The following IQSEC3 variants were observed in gnomAD, a reference collection of about 807,000 sequenced individuals.
The protein encoded by IQSEC3 is IQ motif and Sec7 domain ArfGEF 3.
A neutral mutation model predicts 105.4 loss-of-function variants in IQSEC3; 50 were observed. The observed-to-expected ratio is 0.47, with a 90% CI of 0.38 to 0.60. IQSEC3 has a LOEUF of 0.60. IQSEC3 is among the 20% of genes least tolerant of loss of function. The pLI is 0.00. For synonymous variants in IQSEC3, 708 were observed against 746.0 expected, an observed-to-expected ratio of 0.95 and a Z score of 0.83; for missense variants, 1,415 against 1,630.0, an observed-to-expected ratio of 0.87 and a Z score of 2.27.
At chr12:125,977 G>GGGTACCAGGGCCTTGGGGGCTGTCGAC (rs1299004029) in intron 3 of IQSEC3, 65 bp downstream of exon 3, 16 of 1,473,836 alleles carry the variant, frequency 1.1e-5, no homozygotes, top group Non-Finnish European at 1.4e-5. Flanking sequence ...GGGCTGTCGA[G>GGGTACCAGGGCCTTGGGGGCTGTCGAC]GGTACCAGGG....
intron 2 of IQSEC3, among the ~76,000 whole-genome samples, chr12:120,381 C>A (rs886929857): frequency 2.6e-5 from 4 of 152,142 alleles, no homozygotes; most frequent in South Asian, 2.1e-4. Context: ...GGACAGGTCA[C>A]TCGGTGGGGA....
rs759716833 is a variant in IQSEC3, at chr12:174,882, C to T, written c.3398C>T (p.Pro1133Leu). 2.5e-6 allele frequency: 4 copies of T among 1,572,106 alleles called. No individual in the cohort carries two copies. The South Asian group carries it at 3.5e-5, about 14-fold the overall frequency. Residue 1133 changes from proline to leucine, a missense_variant, in exon 14 of 14, where the codon CCC (proline) becomes CTC (leucine). Around this residue, in one of 6 missense-constraint regions of IQSEC3, gnomAD observed 419 missense variants for 436.2 expected, o/e 0.96. Transcript: ENST00000538872. ...TCCTCTGACTCCTGCGGCTCCACAC[C>T]CCTGGGCGGTCCCGGCTCTCCGGTC... ...SSSSDSCGST[P>L]LGGPGSPVKV...
In IQSEC3 at chr12:131,866, C is replaced by T. The variant is rs142189967; in HGVS notation, c.903+5954C>T. ...TGGTTGATAAATGGGTTAGGACACA[C>T]GATGGTGAACCCGGAACTGAATTCC... On this transcript the variant is annotated intron_variant, in intron 3 of 13. Transcript: ENST00000538872. 9.5e-3 allele frequency among the ~76,000 whole-genome samples: 1,450 copies of T among 152,252 alleles called. 14 individuals carry two copies. The highest frequency in any genetic ancestry group is 0.013 in the Non-Finnish European group (898 of 68,032).
intron 2 of IQSEC3, among the ~76,000 whole-genome samples, chr12:115,410 C>A (rs1865017955): frequency 6.6e-6 from 1 of 152,196 alleles, no homozygotes; most frequent in Admixed American, 6.5e-5. Flanking sequence ...CCAGGCATGG[C>A]CTCATGCCTG....
rs781838907 is a variant in IQSEC3 at position 99,194 on chromosome 12, C to T, written c.603C>T (p.Cys201=). 5.6e-6 allele frequency: 9 copies of T among 1,598,904 alleles called. No homozygotes were observed. Among genetic ancestry groups the T allele is most frequent in the Non-Finnish European group, 7.6e-6 (9 of 1,179,716 alleles). ...TCTGCTGCCCAGCCGCCGACGCCTG[C>T]TCCGACCTGGCCTCCCAAAGGTGGG... The part of the protein sequence containing the change: ...HQFCCPAADA[C]SDLASQSDGS... Residue 201 remains cysteine (C), a synonymous_variant, in exon 2 of 14, where the codon TGC becomes TGT. Coordinates refer to ENST00000538872, the MANE Select transcript of IQSEC3 (RefSeq NM_001170738.2).
At chr12:91,894 C>T (rs1162165734) in intron 1 of IQSEC3, among the ~76,000 whole-genome samples, 1 of 152,168 alleles carries the variant, frequency 6.6e-6, no homozygotes, top group Non-Finnish European at 1.5e-5. Flanking sequence ...ACTCCCATCT[C>T]GCTTGGGAGA....
rs2136845671 is a variant in IQSEC3, at chr12:67,192, G to A, written c.310G>A (p.Ala104Thr). 6.5e-7 allele frequency: 1 copy of A among 1,543,126 alleles called. No homozygotes were observed. The highest frequency in any genetic ancestry group is 1.9e-5 in the Admixed American group (1 of 52,018). The stretch of plus-strand genomic sequence containing the variant: ...GGACCAGGGACAGCGCTCAGCAGCC[G>A]CGCCGCATCCCGCGCCCGATCGGCC... ...LQDQGQRSAA[A>T]PHPAPDRPPR... Residue 104 changes from alanine to threonine, a missense_variant, in exon 1 of 14, where the codon GCG (alanine) becomes ACG (threonine). By Grantham distance (58) the Ala-to-Thr change is moderately conservative. This residue lies in a region of IQSEC3 where 3 missense variants were observed against 66.2 expected (regional missense o/e 0.05). Transcript: ENST00000538872.
chr12:157,784 T>C, intron 7 of IQSEC3, 90 bp downstream of exon 7: 1 of 1,367,284 alleles, frequency 7.3e-7, no homozygotes. Context: ...TGAGCCCCTA[T>C]CACAGATGGT....
At chr12:170,143 C>G (rs111971617) in intron 12 of IQSEC3, among the ~76,000 whole-genome samples, 1,622 of 152,342 alleles carry the variant, frequency 0.011, 12 homozygotes, top group Middle Eastern at 0.02. Flanking sequence ...GGAATCTTTC[C>G]TGTATGGGTT....
intron 12 of IQSEC3, among the ~76,000 whole-genome samples, chr12:170,806 C>G (rs79065514): frequency 0.016 from 2,410 of 152,366 alleles, 59 homozygotes; most frequent in African/African-American, 0.051. Flanking sequence ...GCCCACAACC[C>G]AGGCCCCCTC....
At chr12:171,365 T>C in intron 13 of IQSEC3, 1 of 1,567,968 alleles carries the variant, frequency 6.4e-7, no homozygotes, top group Non-Finnish European at 8.8e-7. Context: ...AGCCACGAGC[T>C]CTTTCTCCCC....
chr12:113,753 A>T (rs1232544130), intron 2 of IQSEC3, among the ~76,000 whole-genome samples: 1 of 152,098 alleles, frequency 6.6e-6, no homozygotes, highest in African/African-American at 2.4e-5. Flanking sequence ...TTTACTGATC[A>T]CTGAAGAACT....
At chr12:131,679 G>A (rs905278822) in intron 3 of IQSEC3, among the ~76,000 whole-genome samples, 1 of 152,218 alleles carries the variant, frequency 6.6e-6, no homozygotes, top group Non-Finnish European at 1.5e-5. Context: ...CAGATGTCTT[G>A]CCTGTGATGG....
chr12:139,218 A>G lies in IQSEC3; in HGVS notation c.1855A>G (p.Lys619Glu). Residue 619 changes from lysine (K) to glutamate (E), a missense_variant, in exon 4 of 14, where the codon AAG becomes GAG. Physicochemically the swap from Lys to Glu is moderately conservative, Grantham distance 56. Transcript: ENST00000538872. ...CTCGGAGGCGTCGGCCTCCGCCTCC[A>G]AGGACGCCCTGCAGGCCATGATCCT... ...SGSEASASAS[K>E]DALQAMILSL... 1.3e-6 allele frequency: 2 copies of G among 1,597,308 alleles called. No homozygotes were observed. The highest frequency in any genetic ancestry group is 1.7e-6 in the Non-Finnish European group (2 of 1,173,526).
At chr12:94,508 G>A (rs975141967) in intron 1 of IQSEC3, among the ~76,000 whole-genome samples, 1 of 152,252 alleles carries the variant, frequency 6.6e-6, no homozygotes, top group Admixed American at 6.5e-5. Context: ...CCAAGGAGCA[G>A]GAGGTGGATG....
intron 1 of IQSEC3, among the ~76,000 whole-genome samples, chr12:83,516 C>T (rs1863817694): frequency 6.6e-6 from 1 of 151,600 alleles, no homozygotes; most frequent in Non-Finnish European, 1.5e-5. Flanking sequence ...CACGTGAAGA[C>T]CTCAGGGGAA....
At chr12:165,675 G>A (rs1247710554) in intron 10 of IQSEC3, 54 bp from the exon 11 acceptor site, 1 of 1,603,310 alleles carries the variant, frequency 6.2e-7, no homozygotes, top group Non-Finnish European at 8.5e-7. Flanking sequence ...GCTGGCTCTG[G>A]CCCTCGGCTG....
At chr12:163,406 G>A (rs1867015042) in intron 8 of IQSEC3, 88 bp from the exon 9 acceptor site, 11 of 1,176,788 alleles carry the variant, frequency 9.3e-6, no homozygotes, top group Middle Eastern at 3.1e-4. Flanking sequence ...CCTCTCCCGG[G>A]CTGTCTCCTC....
In IQSEC3 at chr12:67,205, C is replaced by A. The variant is rs1475940208; in HGVS notation, c.323C>A (p.Ala108Glu). The A allele has an allele frequency of 2.6e-6, 4 of 1,553,886 alleles. No homozygotes were observed. In the Admixed American group the frequency reaches 5.6e-5, roughly 22 times the overall value. ...GQRSAAAPHP[A>E]PDRPPRQHHG... ...CGCTCAGCAGCCGCGCCGCATCCCG[C>A]GCCCGATCGGCCGCCGCGTCAGCAC... The change falls in exon 1 of 14, where the codon GCG becomes GAG. Residue 108 changes from alanine (A) to glutamate (E), a missense_variant. Physicochemically the swap from Ala to Glu is moderately radical, Grantham distance 107 (BLOSUM62 -1). This residue lies in a region of IQSEC3 where 26 missense variants were observed against 108.1 expected (regional missense o/e 0.24). Transcript: ENST00000538872.
Sources: gnomAD v4.1 joint callset for allele counts (sites outside exome capture counted in the v4.1 genomes callset) on GRCh38, gnomAD v4.1.1 for gene constraint, gnomAD v4.1.1 regional missense constraint, MANE v1.5 for transcripts, NCBI Gene and HGNC (gene_info 2026-07-23, HGNC 2026-07-21) for gene names.